Variants in HEMK2 observed in about 807,000 individuals in gnomAD.
HEMK2 encodes the protein methyltransferase HEMK2.
the HEMK2 span, among the ~76,000 whole-genome samples, chr21:28,675,487 T>C: frequency 1.3e-5 from 2 of 152,194 alleles, no homozygotes; most frequent in South Asian, 4.1e-4. Flanking sequence ...GGGCAGGATA[T>C]CCATCATTGG....
chr21:28,845,594 T>G, the HEMK2 span, among the ~76,000 whole-genome samples: 3 of 152,122 alleles, frequency 2.0e-5, no homozygotes, highest in African/African-American at 7.2e-5. Flanking sequence ...TTATTTTCTT[T>G]CAGTAAGATT....
chr21:28,878,138 T>C, the HEMK2 span: 1 of 1,436,036 alleles, frequency 7.0e-7, no homozygotes, highest in East Asian at 2.5e-5. Flanking sequence ...TTTACATTAT[T>C]AACTTTTGAT....
At chr21:28,877,506 T>A in the HEMK2 span, among the ~76,000 whole-genome samples, 10 of 104,864 alleles carry the variant, frequency 9.5e-5, no homozygotes, top group Admixed American at 2.3e-4. Context: ...GAGACAAAGA[T>A]GGACAGAAGG....
chr21:28,721,110 T>C, the HEMK2 span, among the ~76,000 whole-genome samples: 1 of 152,110 alleles, frequency 6.6e-6, no homozygotes, highest in East Asian at 1.9e-4. Flanking sequence ...AAAAATAATG[T>C]AAAACTGCTT....
chr21:28,666,913 T>C, the HEMK2 span, among the ~76,000 whole-genome samples: 1 of 152,178 alleles, frequency 6.6e-6, no homozygotes, highest in Admixed American at 6.6e-5. Context: ...CTAGTTGTTA[T>C]GCAGTAATCT....
chr21:28,834,683 A>C, the HEMK2 span, among the ~76,000 whole-genome samples: 1 of 151,962 alleles, frequency 6.6e-6, no homozygotes, highest in Admixed American at 6.6e-5. Flanking sequence ...CGGCATGCAG[A>C]CTCCAAAGGC....
the HEMK2 span, among the ~76,000 whole-genome samples, chr21:28,804,741 C>T: frequency 6.6e-6 from 1 of 152,174 alleles, no homozygotes; most frequent in Middle Eastern, 3.2e-3. Flanking sequence ...TCACTCAGAA[C>T]ACTTGATAAT....
At chr21:28,755,322 G>T in the HEMK2 span, among the ~76,000 whole-genome samples, 10 of 152,330 alleles carry the variant, frequency 6.6e-5, no homozygotes, top group East Asian at 1.7e-3. Flanking sequence ...TGTTGAACAT[G>T]TTAAAAACAT....
chr21:28,695,493 A>T, the HEMK2 span, among the ~76,000 whole-genome samples: 6 of 152,068 alleles, frequency 3.9e-5, no homozygotes, highest in South Asian at 1.0e-3. Context: ...AAGGTGAATG[A>T]GGAACAAAGT....
the HEMK2 span, among the ~76,000 whole-genome samples, chr21:28,680,619 T>C: frequency 1.3e-5 from 2 of 152,114 alleles, no homozygotes; most frequent in Non-Finnish European, 1.5e-5. Context: ...TTTAGACCAA[T>C]ATCCCTGATG....
the HEMK2 span, among the ~76,000 whole-genome samples, chr21:28,782,636 C>T: frequency 6.6e-6 from 1 of 152,070 alleles, no homozygotes; most frequent in Non-Finnish European, 1.5e-5. Context: ...ATATAAAGAA[C>T]CCATGAAAAG....
chr21:28,789,897 T>C, the HEMK2 span, among the ~76,000 whole-genome samples: 1 of 152,168 alleles, frequency 6.6e-6, no homozygotes, highest in Non-Finnish European at 1.5e-5. Flanking sequence ...CACTCACTCA[T>C]AGAAAACAAT....
the HEMK2 span, among the ~76,000 whole-genome samples, chr21:28,758,589 C>A: frequency 1.3e-5 from 2 of 151,994 alleles, no homozygotes; most frequent in Non-Finnish European, 2.9e-5. Context: ...GGAAGGGCAA[C>A]GAGCAGAAGA....
At chr21:28,817,000 A>C in the HEMK2 span, among the ~76,000 whole-genome samples, 1 of 152,238 alleles carries the variant, frequency 6.6e-6, no homozygotes, top group African/African-American at 2.4e-5. Flanking sequence ...TGAATAAAAG[A>C]AGCACAGTAA....
the HEMK2 span, among the ~76,000 whole-genome samples, chr21:28,698,637 A>G: frequency 6.6e-6 from 1 of 152,212 alleles, no homozygotes; most frequent in Non-Finnish European, 1.5e-5. Flanking sequence ...AAAAAACTGC[A>G]ATTTTATGAA....
chr21:28,716,126 C>T, the HEMK2 span, among the ~76,000 whole-genome samples: 1 of 151,868 alleles, frequency 6.6e-6, no homozygotes, highest in African/African-American at 2.4e-5. Flanking sequence ...TATTTGGACT[C>T]TTTTTTGGTT....
the HEMK2 span, among the ~76,000 whole-genome samples, chr21:28,863,409 TTTA>T: frequency 1.6e-5 from 1 of 63,108 alleles, no homozygotes; most frequent in Non-Finnish European, 2.6e-5. Context: ...TAAACTCCCT[TTTA>T]TATATATATA....
the HEMK2 span, among the ~76,000 whole-genome samples, chr21:28,780,806 T>C: frequency 1.3e-5 from 2 of 152,192 alleles, no homozygotes; most frequent in East Asian, 1.9e-4. Flanking sequence ...TCTGCACTTC[T>C]ATTTTATTTC....
chr21:28,689,914 A>G, the HEMK2 span, among the ~76,000 whole-genome samples: 33,029 of 152,072 alleles, frequency 0.22, 3,925 homozygotes, highest in East Asian at 0.38. Flanking sequence ...GAAGCTGAGT[A>G]TATTAGTTCA....
Sources: gnomAD v4.1 joint callset for allele counts (sites outside exome capture counted in the v4.1 genomes callset) on GRCh38, gnomAD v4.1.1 for gene constraint, MANE v1.5 for transcripts, NCBI Gene and HGNC (gene_info 2026-07-23, HGNC 2026-07-21) for gene names.